PRKCA: variants seen among roughly 807,000 people sequenced by gnomAD.
PRKCA encodes the protein protein kinase C alpha type.
PRKCA carries 27 observed loss-of-function variants against 87.0 expected under a neutral mutation model. The observed-to-expected ratio is 0.31, with a 90% confidence interval of 0.23 to 0.43. The LOEUF is 0.43. PRKCA is among the 20% of genes least tolerant of loss of function. PRKCA has a pLI of 1.00. For synonymous variants in PRKCA, 329 were observed against 311.1 expected, an observed-to-expected ratio of 1.06 and a Z score of -0.61; for missense variants, 518 against 852.3, an observed-to-expected ratio of 0.61 and a Z score of 4.88.
At chr17:66,676,697 G>A (rs1336164804) in intron 5 of PRKCA, 2 of 152,406 alleles carry the variant, frequency 1.3e-5, no homozygotes, top group Admixed American at 6.5e-5. Context: ...ACCCTGAGGA[G>A]GAGGCTGTGA....
At chr17:66,452,208 C>T (rs763732004) in intron 2 of PRKCA, among the ~76,000 whole-genome samples, 4 of 152,182 alleles carry the variant, frequency 2.6e-5, no homozygotes, top group Non-Finnish European at 5.9e-5. Flanking sequence ...CACCTCTGTT[C>T]CTTTCTTTTT....
At chr17:66,476,302 A>AG (rs907684235) in intron 2 of PRKCA, among the ~76,000 whole-genome samples, 31 of 152,268 alleles carry the variant, frequency 2.0e-4, no homozygotes, top group African/African-American at 6.7e-4. Context: ...TTGGTGTTGA[A>AG]GAGGAGATGG....
At chr17:66,753,069 T>G (rs1439752655) in intron 13 of PRKCA, among the ~76,000 whole-genome samples, 1 of 152,240 alleles carries the variant, frequency 6.6e-6, no homozygotes, top group East Asian at 1.9e-4. Flanking sequence ...GCCAAAATCA[T>G]TTTACATTTA....
intron 2 of PRKCA, among the ~76,000 whole-genome samples, chr17:66,422,451 G>A (rs7225324): frequency 0.11 from 16,837 of 152,162 alleles, 1,220 homozygotes; most frequent in East Asian, 0.22. Flanking sequence ...AATAAATATA[G>A]GTTGGATATT....
chr17:66,584,841 T>G (rs1567914840), intron 3 of PRKCA, among the ~76,000 whole-genome samples: 1 of 152,182 alleles, frequency 6.6e-6, no homozygotes, highest in Non-Finnish European at 1.5e-5. Flanking sequence ...CTTTATTTAA[T>G]TACACCTGCA....
intron 16 of PRKCA, among the ~76,000 whole-genome samples, chr17:66,801,583 C>G (rs114817938): frequency 6.6e-6 from 1 of 152,194 alleles, no homozygotes; most frequent in African/African-American, 2.4e-5. Context: ...TTCAAAGAGC[C>G]TTTCTCCGTG....
At chr17:66,515,747 G>A (rs1966947705) in intron 3 of PRKCA, among the ~76,000 whole-genome samples, 1 of 152,168 alleles carries the variant, frequency 6.6e-6, no homozygotes, top group South Asian at 2.1e-4. Context: ...GCCTCGCTAT[G>A]TTGCCCTGGC....
Position 66,729,363 on chromosome 17 carries a change from C to T in PRKCA, c.919-3325C>T, listed in dbSNP as rs555125096. Reference sequence around the variant, plus strand: ...AGGTTGCAGTGAGCTGGGATCGCACCACTGCACTCCAGCCTGGGTGACAAG... The same window carrying T: ...AGGTTGCAGTGAGCTGGGATCGCACTACTGCACTCCAGCCTGGGTGACAAG... On this transcript the variant is annotated intron_variant, in intron 8 of 16. Transcript: ENST00000413366. 2.8e-4 allele frequency among the ~76,000 whole-genome samples: 43 copies of T among 152,248 alleles called. No homozygotes were observed. In the East Asian group the frequency reaches 6.9e-3, roughly 25 times the overall value.
At chr17:66,463,483 C>G (rs1598694511) in intron 2 of PRKCA, among the ~76,000 whole-genome samples, 2 of 151,958 alleles carry the variant, frequency 1.3e-5, no homozygotes, top group East Asian at 3.9e-4. Context: ...GCAACCTCCG[C>G]CTCCCAAGCT....
At chr17:66,459,794 TCA>T (rs983923767) in intron 2 of PRKCA, among the ~76,000 whole-genome samples, 7 of 152,240 alleles carry the variant, frequency 4.6e-5, no homozygotes, top group African/African-American at 1.4e-4. Context: ...TGCGTAAGTA[TCA>T]CTCTCTACTG....
At chr17:66,400,150 AC>A (rs1910934271) in intron 2 of PRKCA, among the ~76,000 whole-genome samples, 1 of 151,896 alleles carries the variant, frequency 6.6e-6, no homozygotes, top group Non-Finnish European at 1.5e-5. Context: ...AAGTATATTC[AC>A]CTTTTTTTGT....
At chr17:66,436,627 G>T (rs1177261395) in intron 2 of PRKCA, among the ~76,000 whole-genome samples, 1 of 152,212 alleles carries the variant, frequency 6.6e-6, no homozygotes, top group Non-Finnish European at 1.5e-5. Flanking sequence ...GGTGGACGAT[G>T]AAAGTCTGAG....
chr17:66,717,090 G>A (rs780513523), intron 8 of PRKCA, among the ~76,000 whole-genome samples: 2 of 152,110 alleles, frequency 1.3e-5, no homozygotes, highest in Non-Finnish European at 2.9e-5. Flanking sequence ...CTTAATTGTC[G>A]CTGTTGTGAT....
rs1341912532 is a variant in PRKCA at position 66,666,818 on chromosome 17, A to G, written c.530-20293A>G. Among the ~76,000 whole-genome samples, 4 of 152,030 alleles carry G rather than the reference A, an allele frequency of 2.6e-5. No individual in the cohort carries two copies. In the East Asian group the frequency reaches 7.7e-4, roughly 29 times the overall value. Reference sequence around the variant, plus strand: ...GTAACTCTCCATGCCTCTCCAGGGAACCCTTTGAATCCCCCCCCCACACAC... The same window carrying G: ...GTAACTCTCCATGCCTCTCCAGGGAGCCCTTTGAATCCCCCCCCCACACAC... On this transcript the variant is annotated intron_variant, in intron 5 of 16. Transcript: ENST00000413366.
intron 3 of PRKCA, among the ~76,000 whole-genome samples, chr17:66,541,188 T>G (rs552642635): frequency 6.6e-6 from 1 of 152,270 alleles, no homozygotes; most frequent in East Asian, 1.9e-4. Flanking sequence ...TGAGGGGTTT[T>G]GTTTTATTTT....
At chr17:66,758,121 C>T (rs575715649) in intron 13 of PRKCA, among the ~76,000 whole-genome samples, 1 of 152,336 alleles carries the variant, frequency 6.6e-6, no homozygotes, top group African/African-American at 2.4e-5. Context: ...CTGCCACCAC[C>T]CATAGCCCCC....
intron 3 of PRKCA, among the ~76,000 whole-genome samples, chr17:66,596,194 G>A (rs923982438): frequency 2.6e-5 from 4 of 152,146 alleles, no homozygotes; most frequent in Non-Finnish European, 4.4e-5. Context: ...CTTGATAAAC[G>A]TTATTATACT....
At chr17:66,556,323 C>CTTTTTTTTTTTTT (rs61549626) in intron 3 of PRKCA, among the ~76,000 whole-genome samples, 2 of 129,004 alleles carry the variant, frequency 1.6e-5, no homozygotes, top group African/African-American at 2.9e-5. Flanking sequence ...CTTTCTTCTT[C>CTTTTTTTTTTTTT]TTTTTTTTTT....
chr17:66,673,547 C>A (rs941710548), intron 5 of PRKCA, among the ~76,000 whole-genome samples: 2 of 152,134 alleles, frequency 1.3e-5, no homozygotes, highest in African/African-American at 4.8e-5. Context: ...ACAAATATCA[C>A]AAAATTTAGG....
Sources: allele counts gnomAD v4.1 joint callset (sites outside exome capture counted in the v4.1 genomes callset), GRCh38; gene constraint gnomAD v4.1.1; transcripts MANE v1.5; gene names NCBI Gene and HGNC (gene_info 2026-07-23, HGNC 2026-07-21).